ANO10: variants seen among roughly 807,000 people sequenced by gnomAD.
ANO10 encodes the protein anoctamin 10, also known as anoctamin-10.
A neutral mutation model predicts 74.7 loss-of-function variants in ANO10; 77 were observed. That is an observed-to-expected ratio of 1.03 (90% CI 0.86 to 1.25). The LOEUF is 1.25. Among genes scored for constraint, ANO10 ranks in the 50% most tolerant of loss-of-function variants. The probability of loss-of-function intolerance (pLI) is 0.00; values close to 1 mark genes in which losing one functional copy is unlikely to be tolerated. For missense variants in ANO10, 721 were observed against 778.1 expected, an observed-to-expected ratio of 0.93 and a Z score of 0.87; for synonymous variants, 279 against 284.9, an observed-to-expected ratio of 0.98 and a Z score of 0.21.
intron 11 of ANO10, among the ~76,000 whole-genome samples, chr3:43,468,167 T>C (rs1390175378): frequency 1.3e-5 from 2 of 152,240 alleles, no homozygotes; most frequent in Non-Finnish European, 2.9e-5. Flanking sequence ...TGATTTCTTA[T>C]GTGTTTAAAA....
At chr3:43,476,481 T>C (rs1199016070) in intron 11 of ANO10, among the ~76,000 whole-genome samples, 4 of 152,222 alleles carry the variant, frequency 2.6e-5, no homozygotes, top group South Asian at 2.1e-4. Context: ...AGGGAAGACA[T>C]TGGCTGGTTC....
chr3:43,379,262 G>A (rs906158), intron 12 of ANO10, among the ~76,000 whole-genome samples: 149,419 of 152,366 alleles, frequency 0.98, 73,332 homozygotes, highest in East Asian at 1. Flanking sequence ...ACATATTTTA[G>A]TCGGGTACTG....
At chr3:43,451,762 C>T (rs769989982) in intron 11 of ANO10, among the ~76,000 whole-genome samples, 11 of 152,150 alleles carry the variant, frequency 7.2e-5, no homozygotes, top group Non-Finnish European at 1.5e-4. Flanking sequence ...AAAGAACACC[C>T]AAGAACTTAC....
At chr3:43,574,734 A>C in intron 7 of ANO10, 75 bp downstream of exon 7, 1 of 1,169,386 alleles carries the variant, frequency 8.6e-7, no homozygotes, top group Non-Finnish European at 1.3e-6. Context: ...GCAACTCTTC[A>C]TATTTGTATT....
chr3:43,553,409 CT>C (rs1445922768), intron 10 of ANO10, among the ~76,000 whole-genome samples: 3 of 152,162 alleles, frequency 2.0e-5, no homozygotes, highest in African/African-American at 7.2e-5. Context: ...GCCCCTCCCT[CT>C]TTCTTCTCTC....
chr3:43,527,562 A>C (rs948686577), intron 11 of ANO10, among the ~76,000 whole-genome samples: 3 of 152,134 alleles, frequency 2.0e-5, no homozygotes, highest in Non-Finnish European at 4.4e-5. Context: ...AAACAAACAG[A>C]TCAATAGGAA....
At chr3:43,529,934 G>T (rs182118706) in intron 11 of ANO10, among the ~76,000 whole-genome samples, 1 of 152,044 alleles carries the variant, frequency 6.6e-6, no homozygotes, top group African/African-American at 2.4e-5. Context: ...AACATATTCT[G>T]CATCTCAATT....
In ANO10 at chr3:43,515,610, C is replaced by A. The variant is rs868512281; in HGVS notation, c.1797+34110G>T. ...CTAGAGAAATACAATAAACTTCTAG[C>A]CAGATTGATGAGTAAGAAGAAAAGA... is the stretch of plus-strand genomic sequence containing the variant. On this transcript the variant is annotated intron_variant, in intron 11 of 12. Transcript: ENST00000292246. Among the ~76,000 whole-genome samples, 45 of 152,130 alleles carry A rather than the reference C, an allele frequency of 3.0e-4. No individual in the cohort carries two copies. In the Middle Eastern group the frequency reaches 0.01, roughly 34 times the overall value.
At chr3:43,428,796 CAAAAAAAAAA>C (rs56213626) in intron 12 of ANO10, among the ~76,000 whole-genome samples, 2 of 55,424 alleles carry the variant, frequency 3.6e-5, no homozygotes, top group Non-Finnish European at 6.4e-5. Context: ...TTTGTGAATG[CAAAAAAAAAA>C]AAAAAAAAAA....
At chr3:43,508,370 G>A (rs560884101) in intron 11 of ANO10, among the ~76,000 whole-genome samples, 1 of 152,322 alleles carries the variant, frequency 6.6e-6, no homozygotes, top group South Asian at 2.1e-4. Context: ...TTCAGCCATT[G>A]TGGAAGACAG....
At chr3:43,568,817 G>A (rs2080522827) in intron 7 of ANO10, among the ~76,000 whole-genome samples, 1 of 145,692 alleles carries the variant, frequency 6.9e-6, no homozygotes, top group African/African-American at 2.7e-5. Flanking sequence ...CTAGCAGAAG[G>A]CAAGAAATAA....
intron 11 of ANO10, among the ~76,000 whole-genome samples, chr3:43,499,298 T>A (rs1033419074): frequency 6.6e-6 from 1 of 152,104 alleles, no homozygotes; most frequent in African/African-American, 2.4e-5. Context: ...GAAACAAATA[T>A]AAAACATTTC....
rs559879408 is a variant in ANO10 at position 43,432,669 on chromosome 3, T to C, written c.1856A>G (p.His619Arg). 1 of 1,613,982 alleles carries C rather than the reference T, an allele frequency of 6.2e-7. No homozygotes were observed. The highest frequency in any genetic ancestry group is 8.5e-7 in the Non-Finnish European group (1 of 1,179,930). Residue 619 changes from histidine (H) to arginine (R), a missense_variant, in exon 12 of 13, where the codon CAT (histidine) becomes CGT (arginine). By Grantham distance (29) the His-to-Arg change is conservative (BLOSUM62 0). Coordinates refer to ENST00000292246, the MANE Select transcript of ANO10 (RefSeq NM_018075.5). Reference protein sequence around the residue: ...LAFAIPDKPRHIQMKLARLEF... With the variant: ...LAFAIPDKPRRIQMKLARLEF... ...CAGTCTGGCTAGTTTCATCTGGATATGCCGTGGCTTATCAGGTATGGCAAA... is the reference window on the plus strand; with the variant it reads ...CAGTCTGGCTAGTTTCATCTGGATACGCCGTGGCTTATCAGGTATGGCAAA...
chr3:43,577,349 A>G (rs2081061694), intron 5 of ANO10, 88 bp from the exon 6 acceptor site: 28 of 1,312,036 alleles, frequency 2.1e-5, no homozygotes, highest in Non-Finnish European at 2.7e-5. Flanking sequence ...TTTTTTAGTT[A>G]AGTGGGGATC....
chr3:43,433,671 A>G (rs1351512534), intron 11 of ANO10, among the ~76,000 whole-genome samples: 1 of 152,210 alleles, frequency 6.6e-6, no homozygotes, highest in Non-Finnish European at 1.5e-5. Context: ...CCTCTATAAC[A>G]TAATGATATG....
intron 11 of ANO10, among the ~76,000 whole-genome samples, chr3:43,484,102 TTTTG>T (rs1157633463): frequency 2.0e-5 from 3 of 151,960 alleles, no homozygotes; most frequent in East Asian, 1.9e-4. Flanking sequence ...TGCCTGGGTT[TTTTG>T]TTTGTTTGTA....
chr3:43,375,872 T>C (rs2091787486), intron 12 of ANO10, among the ~76,000 whole-genome samples: 3 of 152,258 alleles, frequency 2.0e-5, no homozygotes, highest in Admixed American at 2.0e-4. Flanking sequence ...TGTTTGTTCA[T>C]TTTTGTTTGT....
At chr3:43,612,138 TTTTATATATATATATATA>T (rs1174223925) in intron 1 of ANO10, among the ~76,000 whole-genome samples, 168 of 89,212 alleles carry the variant, frequency 1.9e-3, no homozygotes, top group African/African-American at 7.8e-3. Flanking sequence ...AAATTAAATA[TTTTATATATATATATATA>T]TATATATATA....
At position 43,449,883 on chromosome 3, in the gene ANO10, A is replaced by C. The variant is rs182716220; in HGVS notation, c.1798-17156T>G. On this transcript the variant is annotated intron_variant, in intron 11 of 12. Transcript: ENST00000292246. Reference sequence around the variant, plus strand: ...GTACACATCAAGTTGAGAAAAACTGACATCTTAATAGAGAATCCTCCCATC... The same window carrying C: ...GTACACATCAAGTTGAGAAAAACTGCCATCTTAATAGAGAATCCTCCCATC... 3.8e-4 allele frequency among the ~76,000 whole-genome samples: 58 copies of C among 152,310 alleles called. No individual in the cohort carries two copies. The East Asian group carries it at 0.01, about 27-fold the overall frequency.
Sources: gnomAD v4.1 joint callset for allele counts (sites outside exome capture counted in the v4.1 genomes callset) on GRCh38, gnomAD v4.1.1 for gene constraint, MANE v1.5 for transcripts, NCBI Gene and HGNC (gene_info 2026-07-23, HGNC 2026-07-21) for gene names.